The following PARD3B variants were observed in gnomAD, a reference collection of about 807,000 sequenced individuals.
PARD3B encodes the protein partitioning defective 3 homolog B.
Under a neutral mutation model 130.2 loss-of-function variants are expected in PARD3B, and 103 were observed. The observed-to-expected ratio is 0.79, with a 90% CI of 0.67 to 0.93. The LOEUF is 0.93. Ranked by LOEUF, PARD3B falls within the 40% of genes least tolerant of loss-of-function variation. PARD3B has a pLI of 0.00. For missense variants in PARD3B, 1,609 were observed against 1,499.2 expected (o/e 1.07, Z -1.21); for synonymous variants, 583 against 553.2 (o/e 1.05, Z -0.76).
At chr2:204,749,291 G>A (rs1056632495) in intron 2 of PARD3B, among the ~76,000 whole-genome samples, 1 of 152,100 alleles carries the variant, frequency 6.6e-6, no homozygotes, top group African/African-American at 2.4e-5. Flanking sequence ...TATTTCCCAA[G>A]TATCAAGGGG....
chr2:204,691,532 A>T (rs2037351935), intron 2 of PARD3B, among the ~76,000 whole-genome samples: 1 of 152,070 alleles, frequency 6.6e-6, no homozygotes, highest in Non-Finnish European at 1.5e-5. Context: ...TCCTTGGGCA[A>T]GCTTCTTCAT....
At position 205,528,001 on chromosome 2, in the gene PARD3B, C is replaced by T. The variant is rs371984887; in HGVS notation, c.3181-25323C>T. ...AAGTTACTCATGGTCCATCATGCAT[C>T]AGGATTCTTACTCATCCACAGTCCC... is the stretch of plus-strand genomic sequence containing the variant. On this transcript the variant is annotated intron_variant, in intron 21 of 22. Transcript: ENST00000406610. Among the ~76,000 whole-genome samples the T allele has an allele frequency of 2.6e-5, 4 of 152,276 alleles. No individual in the cohort carries two copies. In the East Asian group the frequency reaches 7.7e-4, roughly 29 times the overall value.
chr2:205,536,553 C>T (rs529559533), intron 21 of PARD3B, among the ~76,000 whole-genome samples: 4 of 152,282 alleles, frequency 2.6e-5, no homozygotes, highest in Admixed American at 6.5e-5. Context: ...ATCAGTAACT[C>T]ACTTGTGGGT....
At chr2:204,670,171 C>G (rs564130235) in intron 1 of PARD3B, among the ~76,000 whole-genome samples, 4 of 152,144 alleles carry the variant, frequency 2.6e-5, no homozygotes, top group African/African-American at 9.7e-5. Flanking sequence ...AATGCTTACA[C>G]ATGGTTTAAA....
intron 13 of PARD3B, among the ~76,000 whole-genome samples, chr2:205,180,447 C>A (rs997842859): frequency 2.0e-5 from 3 of 151,960 alleles, no homozygotes; most frequent in African/African-American, 4.8e-5. Flanking sequence ...CAGGTGGTAA[C>A]AGGCCACTAA....
intron 20 of PARD3B, among the ~76,000 whole-genome samples, chr2:205,486,048 G>A (rs953032006): frequency 3.3e-5 from 5 of 152,086 alleles, no homozygotes; most frequent in South Asian, 4.1e-4. Context: ...GCATCCCTAA[G>A]GCCACAGCAA....
intron 20 of PARD3B, among the ~76,000 whole-genome samples, chr2:205,497,280 G>A (rs144351251): frequency 1.3e-5 from 2 of 151,610 alleles, no homozygotes; most frequent in African/African-American, 2.4e-5. Context: ...ATCAGCTGCT[G>A]AGTGTCTGTC....
intron 3 of PARD3B, among the ~76,000 whole-genome samples, chr2:204,986,295 A>G (rs1693152710): frequency 6.6e-6 from 1 of 152,080 alleles, no homozygotes. Flanking sequence ...AAAAGCACAT[A>G]GGGCATAACA....
chr2:204,916,924 C>T (rs2047468306), intron 2 of PARD3B, among the ~76,000 whole-genome samples: 1 of 152,114 alleles, frequency 6.6e-6, no homozygotes, highest in East Asian at 1.9e-4. Flanking sequence ...TTTCTAGATA[C>T]AGTGGATGCA....
chr2:205,318,080 A>AACCC (rs1242011989), intron 18 of PARD3B, among the ~76,000 whole-genome samples: 1 of 152,202 alleles, frequency 6.6e-6, no homozygotes, highest in Non-Finnish European at 1.5e-5. Context: ...ATTGCAGACA[A>AACCC]ACCCACCAGC....
rs2039939208 is a variant in PARD3B, at chr2:205,253,386, C to T, written c.2185+7564C>T. 1.1e-5 allele frequency: 6 copies of T among 567,672 alleles called. No homozygotes were observed. Among genetic ancestry groups the T allele is most frequent in the East Asian group, 9.3e-5 (2 of 21,518 alleles). The allele number at this position is 567,672 out of a possible 1,614,324, so 35.2% of individuals were successfully genotyped here. On this transcript the variant is annotated intron_variant, in intron 16 of 22. Coordinates refer to ENST00000406610, the MANE Select transcript of PARD3B (RefSeq NM_001302769.2). The surrounding 1 kb of genome is among the most constrained non-coding windows in gnomAD (Gnocchi z 4.4). ...GGGACTGTGGGTCAGTGCTGACACA[C>T]CCATGGCCATACGTTTGGTCTTCTT...
intron 18 of PARD3B, among the ~76,000 whole-genome samples, chr2:205,383,621 G>A (rs994432854): frequency 2.0e-5 from 3 of 151,882 alleles, no homozygotes; most frequent in Admixed American, 1.3e-4. Context: ...ATGTACATAC[G>A]GTGAAATTCA....
chr2:205,189,532 AACAGC>A (rs1379554707), intron 14 of PARD3B, among the ~76,000 whole-genome samples: 6 of 152,220 alleles, frequency 3.9e-5, no homozygotes, highest in Non-Finnish European at 7.3e-5. Context: ...TCCAGCTTCC[AACAGC>A]CTTCACTGCA....
intron 4 of PARD3B, among the ~76,000 whole-genome samples, chr2:205,099,153 A>G (rs560105606): frequency 6.6e-6 from 1 of 152,282 alleles, no homozygotes; most frequent in South Asian, 2.1e-4. Context: ...ATTTTGAAAT[A>G]GCTCTATACC....
At chr2:205,009,717 G>A (rs1198953949) in intron 3 of PARD3B, among the ~76,000 whole-genome samples, 2 of 151,300 alleles carry the variant, frequency 1.3e-5, no homozygotes, top group African/African-American at 2.4e-5. Context: ...TTAATAAGTT[G>A]TGCTTATGTT....
At chr2:205,316,204 G>A (rs778048761) in intron 18 of PARD3B, among the ~76,000 whole-genome samples, 3 of 152,124 alleles carry the variant, frequency 2.0e-5, no homozygotes, top group Non-Finnish European at 4.4e-5. Context: ...AGGGTGAGCT[G>A]CATTGGGAGT....
chr2:205,320,232 G>T (rs1031978957), intron 18 of PARD3B, among the ~76,000 whole-genome samples: 2 of 150,468 alleles, frequency 1.3e-5, no homozygotes, highest in South Asian at 4.2e-4. Flanking sequence ...AGGAAGGAAG[G>T]AAGGAAGGAA....
chr2:204,546,074 G>C lies in PARD3B; in HGVS notation c.75G>C (p.Glu25Asp), dbSNP rs560472315. 2 of 1,559,372 alleles carry C rather than the reference G, an allele frequency of 1.3e-6. No individual in the cohort carries two copies. The highest frequency in any genetic ancestry group is 1.7e-6 in the Non-Finnish European group (2 of 1,151,452). The change falls in exon 1 of 23, where the codon GAG (glutamate) becomes GAC (aspartate). Residue 25 changes from glutamate to aspartate, a missense_variant. Transcript: ENST00000406610. Reference sequence around the variant, plus strand: ...AGGAGGGCCAGCTGCGCGTCGGCGAGCTCACCCAGCAGGCGCTGCAGCGGT... The same window carrying C: ...AGGAGGGCCAGCTGCGCGTCGGCGACCTCACCCAGCAGGCGCTGCAGCGGT... The part of the protein sequence containing the change: ...PCKEGQLRVG[E>D]LTQQALQRYL...
intron 2 of PARD3B, among the ~76,000 whole-genome samples, chr2:204,736,163 T>C (rs1157495059): frequency 3.1e-5 from 4 of 128,714 alleles, no homozygotes; most frequent in Non-Finnish European, 4.7e-5. Flanking sequence ...CTATGAGTAC[T>C]ATTTTTTTTT....
Sources: allele counts gnomAD v4.1 joint callset (sites outside exome capture counted in the v4.1 genomes callset), GRCh38; gene constraint gnomAD v4.1.1; non-coding constraint Gnocchi (gnomAD v3.1); transcripts MANE v1.5; gene names NCBI Gene and HGNC (gene_info 2026-07-23, HGNC 2026-07-21).